MAP3K1: variants seen among roughly 807,000 people sequenced by gnomAD.
MAP3K1 encodes mitogen-activated protein kinase kinase kinase 1.
A neutral mutation model predicts 144.2 loss-of-function variants in MAP3K1; 36 were observed. The ratio of observed to expected loss-of-function variants is 0.25; its 90% confidence interval spans 0.19 to 0.33. The LOEUF (loss-of-function observed/expected upper bound fraction) is 0.33, where lower values mean the gene tolerates loss of function less well. Ranked by LOEUF, MAP3K1 falls within the 10% of genes least tolerant of loss-of-function variation. MAP3K1 has a pLI of 1.00. For synonymous variants in MAP3K1, 718 were observed against 688.7 expected (o/e 1.04, Z -0.67); for missense variants, 1,650 against 1,881.9 (o/e 0.88, Z 2.28).
At chr5:56,864,490 C>T (rs1747614908) in intron 3 of MAP3K1, among the ~76,000 whole-genome samples, 1 of 151,670 alleles carries the variant, frequency 6.6e-6, no homozygotes, top group Admixed American at 6.6e-5. Flanking sequence ...ATTCTCCTGC[C>T]TCAGCCTCAG....
chr5:56,842,017 G>A lies in MAP3K1; in HGVS notation c.483-14583G>A, dbSNP rs969791565. ...ATAAACAGCCAGAAAACCTTCACCT[G>A]TATTTAATAAATGTTAATATTTTAT... On this transcript the variant is annotated intron_variant, in intron 1 of 19. Coordinates refer to ENST00000399503, the MANE Select transcript of MAP3K1 (RefSeq NM_005921.2). The A allele has an allele frequency of 5.9e-5, 9 of 152,182 alleles. No homozygotes were observed. In the East Asian group the frequency reaches 1.5e-3, roughly 26 times the overall value. The allele number at this position is 152,182 out of a possible 1,614,324, so 9.4% of individuals were successfully genotyped here. A position where few individuals can be genotyped will look rare whatever the true frequency, so the allele number is the denominator to read the frequency against.
At chr5:56,841,023 G>A (rs1014171146) in intron 1 of MAP3K1, among the ~76,000 whole-genome samples, 1 of 152,034 alleles carries the variant, frequency 6.6e-6, no homozygotes, top group Non-Finnish European at 1.5e-5. Flanking sequence ...TTACAGGCAT[G>A]CACCACCACG....
intron 1 of MAP3K1, among the ~76,000 whole-genome samples, chr5:56,855,339 C>G (rs984291362): frequency 6.6e-6 from 1 of 152,022 alleles, no homozygotes; most frequent in Non-Finnish European, 1.5e-5. Context: ...TTCTATATAA[C>G]AGTATTTGTG....
At chr5:56,827,283 G>A (rs568617417) in intron 1 of MAP3K1, among the ~76,000 whole-genome samples, 33 of 152,208 alleles carry the variant, frequency 2.2e-4, no homozygotes, top group Middle Eastern at 6.8e-3. Flanking sequence ...GAATCTCAGC[G>A]CTTAGGACAA....
chr5:56,817,290 T>C (rs968702324), intron 1 of MAP3K1, among the ~76,000 whole-genome samples: 5 of 152,234 alleles, frequency 3.3e-5, no homozygotes, highest in Admixed American at 6.5e-5. Context: ...TTGCTGGAAA[T>C]GTTTTTGTGA....
rs750735051 is a variant in MAP3K1 at position 56,872,852 on chromosome 5, C to G, written c.1533C>G (p.Ser511=). 1 of 1,614,060 alleles carries G rather than the reference C, an allele frequency of 6.2e-7. No homozygotes were observed. Among genetic ancestry groups the G allele is most frequent in the Non-Finnish European group, 8.5e-7 (1 of 1,179,996 alleles). Residue 511 remains serine, a synonymous_variant, in exon 9 of 20, where the codon TCC becomes TCG. Coordinates refer to ENST00000399503, the MANE Select transcript of MAP3K1 (RefSeq NM_005921.2). The part of the protein sequence containing the change: ...YSHELSSPVD[S]PSSLRAAQQQ... ...ACGAGTTGTCAAGTCCTGTGGATTC[C>G]CCTTCTTCCCTCAGAGCTGCACAGC...
intron 6 of MAP3K1, among the ~76,000 whole-genome samples, chr5:56,870,618 A>AATACAAAGTCATGCC (rs1747822618): frequency 1.3e-5 from 2 of 152,174 alleles, no homozygotes; most frequent in South Asian, 4.1e-4. Flanking sequence ...TTTTTAAACA[A>AATACAAAGTCATGCC]ATACAAAGTC....
At position 56,815,964 on chromosome 5, in the gene MAP3K1, C is replaced by T; in HGVS notation, c.391C>T (p.Pro131Ser). The T allele has an allele frequency of 1.6e-6, 2 of 1,258,928 alleles. No homozygotes were observed. The highest frequency in any genetic ancestry group is 2.0e-6 in the Non-Finnish European group (2 of 1,003,382). 78.0% of individuals were successfully genotyped at this position (1,258,928 alleles called of 1,614,324 possible). The change falls in exon 1 of 20, where the codon CCG becomes TCG. Residue 131 changes from proline (P) to serine (S), a missense_variant. Coordinates refer to ENST00000399503, the MANE Select transcript of MAP3K1 (RefSeq NM_005921.2). Reference sequence around the variant, plus strand: ...CCACCTTACCGAGTCGGTGGCGGCGCCGGACAGCGGCGCCTCGAGTCCCGC... The same window carrying T: ...CCACCTTACCGAGTCGGTGGCGGCGTCGGACAGCGGCGCCTCGAGTCCCGC... ...GAHLTESVAA[P>S]DSGASSPAAA...
chr5:56,888,159 T>C, intron 18 of MAP3K1, 67 bp from the exon 19 acceptor site: 2 of 1,444,186 alleles, frequency 1.4e-6, no homozygotes, highest in Non-Finnish European at 1.9e-6. Flanking sequence ...GTAGAATCTA[T>C]AACTACAAAA....
At chr5:56,840,620 C>T (rs1031916127) in intron 1 of MAP3K1, among the ~76,000 whole-genome samples, 7 of 152,150 alleles carry the variant, frequency 4.6e-5, no homozygotes, top group African/African-American at 1.7e-4. Context: ...ACAGAAAACC[C>T]TAACTTCTGT....
intron 1 of MAP3K1, among the ~76,000 whole-genome samples, chr5:56,829,175 T>C (rs1226841315): frequency 1.4e-5 from 2 of 140,548 alleles, no homozygotes; most frequent in Non-Finnish European, 3.2e-5. Context: ...GTTTTTCTTC[T>C]TTTTTTTTTT....
chr5:56,890,933 G>A (rs1748530479), intron 19 of MAP3K1, among the ~76,000 whole-genome samples: 1 of 151,878 alleles, frequency 6.6e-6, no homozygotes, highest in African/African-American at 2.4e-5. Context: ...GTGCTCCAGG[G>A]TACTCAGGAG....
At chr5:56,870,225 CTGAAATTTATAGA>C (rs1561192088) in intron 6 of MAP3K1, among the ~76,000 whole-genome samples, 1 of 152,146 alleles carries the variant, frequency 6.6e-6, no homozygotes, top group East Asian at 1.9e-4. Flanking sequence ...TTAGCAGACT[CTGAAATTTATAGA>C]TGTTGTAAGT....
chr5:56,815,762 C>A lies in MAP3K1; in HGVS notation c.189C>A (p.Arg63=). 1 of 1,382,574 alleles carries A rather than the reference C, an allele frequency of 7.2e-7. No individual in the cohort carries two copies. 85.6% of individuals were successfully genotyped at this position (1,382,574 alleles called of 1,614,324 possible). A position where few individuals can be genotyped will look rare whatever the true frequency, so the allele number is the denominator to read the frequency against. ...ERADWRRRQL[R]KVRSVELDQL... is the part of the protein sequence containing the mutation. ...CGGACTGGCGGCGGCGGCAGCTGCG[C>A]AAAGTGCGGAGTGTGGAGCTGGACC... is the stretch of plus-strand genomic sequence containing the variant. The change falls in exon 1 of 20, where the codon CGC becomes CGA. Residue 63 remains arginine (R), a synonymous_variant. Transcript: ENST00000399503.
At chr5:56,855,525 A>C (rs1747316247) in intron 1 of MAP3K1, among the ~76,000 whole-genome samples, 1 of 152,122 alleles carries the variant, frequency 6.6e-6, no homozygotes, top group African/African-American at 2.4e-5. Flanking sequence ...CTTCAGTGAA[A>C]CGGGTTAACC....
At chr5:56,856,879 TGTG>T (rs1747359750) in intron 2 of MAP3K1, 129 bp downstream of exon 2, 2 of 973,234 alleles carry the variant, frequency 2.1e-6, no homozygotes, top group Admixed American at 2.4e-5. Flanking sequence ...TACTTGATAT[TGTG>T]GTCATTTGGA....
chr5:56,839,998 T>A (rs539067646), intron 1 of MAP3K1, among the ~76,000 whole-genome samples: 1 of 152,340 alleles, frequency 6.6e-6, no homozygotes, highest in East Asian at 1.9e-4. Flanking sequence ...GGTGATGTTT[T>A]TGTGACCAGA....
Position 56,883,669 on chromosome 5 carries a change from C to G in MAP3K1, c.3809C>G (p.Ala1270Gly), listed in dbSNP as rs1254574677. 6.2e-7 allele frequency: 1 copy of G among 1,613,792 alleles called. No homozygotes were observed. Among genetic ancestry groups the G allele is most frequent in the Non-Finnish European group, 8.5e-7 (1 of 1,179,930 alleles). ...AQDVGTGTLMAVKQVTYVRNT... is the reference protein window; with the variant it reads ...AQDVGTGTLMGVKQVTYVRNT... Reference sequence around the variant, plus strand: ...GATGTGGGAACTGGAACTTTAATGGCTGTTAAACAGGTAAATATCTAGTGA... The same window carrying G: ...GATGTGGGAACTGGAACTTTAATGGGTGTTAAACAGGTAAATATCTAGTGA... Residue 1270 changes from alanine (A) to glycine (G), a missense_variant, in exon 15 of 20, where the codon GCT (alanine) becomes GGT (glycine). Coordinates refer to ENST00000399503, the MANE Select transcript of MAP3K1 (RefSeq NM_005921.2).
At position 56,879,104 on chromosome 5, in the gene MAP3K1, A is replaced by G; in HGVS notation, c.2087+3A>G. 1.9e-6 allele frequency: 3 copies of G among 1,613,888 alleles called. No homozygotes were observed. The highest frequency in any genetic ancestry group is 1.7e-6 in the Non-Finnish European group (2 of 1,179,818). ...GTCAAATGTGCAGATGCCAATAGGT[A>G]AGGCTTTATTGATGAATCACTTCAA... On this transcript the variant is annotated splice_donor_region_variant and intron_variant, in intron 11 of 19. Coordinates refer to ENST00000399503, the MANE Select transcript of MAP3K1 (RefSeq NM_005921.2).
Sources: allele counts gnomAD v4.1 joint callset (sites outside exome capture counted in the v4.1 genomes callset), GRCh38; gene constraint gnomAD v4.1.1; transcripts MANE v1.5; gene names NCBI Gene and HGNC (gene_info 2026-07-23, HGNC 2026-07-21).